The following SYNPR variants were observed in gnomAD, a reference collection of about 807,000 sequenced individuals.
SYNPR encodes the protein synaptoporin.
A neutral mutation model predicts 32.9 loss-of-function variants in SYNPR; 23 were observed. That is an observed-to-expected ratio of 0.70 (90% CI 0.50 to 0.99). SYNPR has a LOEUF of 0.99. Ranked by LOEUF, SYNPR falls within the 50% of genes least tolerant of loss-of-function variation. The pLI, the probability that SYNPR is intolerant of heterozygous loss-of-function variation, is 0.00. For missense variants in SYNPR, 318 were observed against 349.3 expected (o/e 0.91, Z 0.71); for synonymous variants, 146 against 135.9 (o/e 1.07, Z -0.52).
chr3:63,537,893 C>A (rs1276168786), intron 3 of SYNPR, among the ~76,000 whole-genome samples: 2 of 152,054 alleles, frequency 1.3e-5, no homozygotes, highest in African/African-American at 4.8e-5. Flanking sequence ...TACAACTAAC[C>A]ATCTAGATTA....
rs1267976859 is a variant in SYNPR at position 63,369,453 on chromosome 3, A to G, written c.84+90711A>G. Among the ~76,000 whole-genome samples the G allele has an allele frequency of 2.6e-5, 4 of 152,244 alleles. No homozygotes were observed. The East Asian group carries it at 7.7e-4, about 29-fold the overall frequency. ...GAATATATGTACCTGCAAAAACAAC[A>G]TAAAATCAATTGAAAAGTTAAAACA... On this transcript the variant is annotated intron_variant, in intron 2 of 5. Transcript: ENST00000478300.
At chr3:63,494,602 TAA>T (rs2106724259) in intron 3 of SYNPR, among the ~76,000 whole-genome samples, 1 of 151,438 alleles carries the variant, frequency 6.6e-6, no homozygotes, top group Non-Finnish European at 1.5e-5. Flanking sequence ...CCACTATTGA[TAA>T]GTTTACCATA....
chr3:63,250,545 G>A (rs1255109335), intron 1 of SYNPR, among the ~76,000 whole-genome samples: 1 of 152,124 alleles, frequency 6.6e-6, no homozygotes, highest in African/African-American at 2.4e-5. Context: ...TGATGTCTGA[G>A]AACAAGTCTA....
chr3:63,310,280 AATTAAAAAAGTG>A (rs1320362272), intron 2 of SYNPR, among the ~76,000 whole-genome samples: 1 of 152,106 alleles, frequency 6.6e-6, no homozygotes, highest in Non-Finnish European at 1.5e-5. Context: ...GTTTTTATGC[AATTAAAAAAGTG>A]AAGGATGCAA....
intron 3 of SYNPR, among the ~76,000 whole-genome samples, chr3:63,547,725 C>A (rs892594036): frequency 1.3e-5 from 2 of 152,152 alleles, no homozygotes; most frequent in Non-Finnish European, 2.9e-5. Context: ...TTGATACAAA[C>A]AATTGATAAC....
chr3:63,345,097 C>T (rs1013705736), intron 2 of SYNPR, among the ~76,000 whole-genome samples: 8 of 152,160 alleles, frequency 5.3e-5, no homozygotes, highest in East Asian at 1.9e-4. Context: ...CCACCCCATG[C>T]GACTCTTGAG....
At chr3:63,443,021 G>A (rs1235874449) in intron 2 of SYNPR, 6 of 997,306 alleles carry the variant, frequency 6.0e-6, no homozygotes, top group Non-Finnish European at 7.2e-6. Flanking sequence ...AGGAGGAGGG[G>A]GCTGGCAGAG....
At chr3:63,223,489 C>A (rs2086105473), upstream of SYNPR, among the ~76,000 whole-genome samples, 1 of 151,888 alleles carries the variant, frequency 6.6e-6, no homozygotes, top group African/African-American at 2.4e-5. Flanking sequence ...CCAGCTGAGA[C>A]ATCTCATGAT....
chr3:63,446,319 G>A (rs1334798770), intron 2 of SYNPR, among the ~76,000 whole-genome samples: 1 of 149,476 alleles, frequency 6.7e-6, no homozygotes, highest in African/African-American at 2.5e-5. Context: ...TTGGCTAGCT[G>A]GAAAGGGCTG....
chr3:63,333,655 C>A (rs1364856697), intron 2 of SYNPR, among the ~76,000 whole-genome samples: 2 of 152,238 alleles, frequency 1.3e-5, no homozygotes, highest in Non-Finnish European at 2.9e-5. Context: ...TGGCTTCAAG[C>A]CATCCTCTCA....
chr3:63,446,459 T>C (rs895812768), intron 2 of SYNPR, among the ~76,000 whole-genome samples: 1 of 152,016 alleles, frequency 6.6e-6, no homozygotes, highest in Non-Finnish European at 1.5e-5. Flanking sequence ...AATGCATTCC[T>C]TTGCACCTGA....
chr3:63,336,452 A>G (rs1401764123), intron 2 of SYNPR, among the ~76,000 whole-genome samples: 5 of 141,178 alleles, frequency 3.5e-5, no homozygotes, highest in East Asian at 2.0e-4. Flanking sequence ...TTTAGTCTCA[A>G]TGCAATCCAA....
intron 3 of SYNPR, among the ~76,000 whole-genome samples, chr3:63,494,419 G>GTATATATATACACA (rs1701321912): frequency 4.4e-5 from 4 of 91,238 alleles, no homozygotes; most frequent in Admixed American, 1.3e-4. Flanking sequence ...ATATATATAC[G>GTATATATATACACA]TATATATATA....
At chr3:63,243,632 T>C (rs1213049225) in intron 1 of SYNPR, among the ~76,000 whole-genome samples, 1 of 152,098 alleles carries the variant, frequency 6.6e-6, no homozygotes, top group Non-Finnish European at 1.5e-5. Flanking sequence ...GTTGTTTCTT[T>C]CCTGACTGAT....
At chr3:63,461,945 T>G (rs963737965) in intron 2 of SYNPR, among the ~76,000 whole-genome samples, 10 of 152,078 alleles carry the variant, frequency 6.6e-5, no homozygotes, top group African/African-American at 2.4e-4. Flanking sequence ...ATAAGTATTT[T>G]ATTATTAATA....
At chr3:63,551,386 A>G (rs562978494) in intron 3 of SYNPR, among the ~76,000 whole-genome samples, 7 of 152,204 alleles carry the variant, frequency 4.6e-5, no homozygotes, top group Non-Finnish European at 1.0e-4. Context: ...ACTCTTGTAC[A>G]AGATTTTGTG....
chr3:63,485,977 G>C (rs1421998754), intron 3 of SYNPR, among the ~76,000 whole-genome samples: 2 of 152,136 alleles, frequency 1.3e-5, no homozygotes, highest in African/African-American at 4.8e-5. Flanking sequence ...CACTGTTCTA[G>C]ATAATTAACA....
chr3:63,501,509 AAAAAAG>A (rs1701480652), intron 3 of SYNPR, among the ~76,000 whole-genome samples: 3 of 94,540 alleles, frequency 3.2e-5, no homozygotes, highest in African/African-American at 4.9e-5. Context: ...AAAAAAAAAA[AAAAAAG>A]AAAAGAAAAA....
At chr3:63,502,167 A>C (rs1575678858) in intron 3 of SYNPR, among the ~76,000 whole-genome samples, 1 of 152,112 alleles carries the variant, frequency 6.6e-6, no homozygotes, top group Admixed American at 6.6e-5. Context: ...AATTGCACAT[A>C]TAGTTCCCAT....
Sources: gnomAD v4.1 joint callset for allele counts (sites outside exome capture counted in the v4.1 genomes callset) on GRCh38, gnomAD v4.1.1 for gene constraint, MANE v1.5 for transcripts, NCBI Gene and HGNC (gene_info 2026-07-23, HGNC 2026-07-21) for gene names.